Variants in HDAC4 observed in about 807,000 individuals in gnomAD.
The protein encoded by HDAC4 is histone deacetylase A.
Under a neutral mutation model 135.1 loss-of-function variants are expected in HDAC4, and 16 were observed. The observed-to-expected ratio is 0.12, with a 90% CI of 0.08 to 0.18. The LOEUF is 0.18. HDAC4 is among the 10% of genes least tolerant of loss of function. The pLI, the probability that HDAC4 is intolerant of heterozygous loss-of-function variation, is 1.00. For synonymous variants in HDAC4, 685 were observed against 653.4 expected (o/e 1.05, Z -0.74); for missense variants, 1,143 against 1,511.8 (o/e 0.76, Z 4.05).
Position 239,245,095 on chromosome 2 carries a change from G to A in HDAC4, c.23-8431C>T, listed in dbSNP as rs564200188. 6.6e-6 allele frequency among the ~76,000 whole-genome samples: 1 copy of A among 152,318 alleles called. No individual in the cohort carries two copies. Among genetic ancestry groups the A allele is most frequent in the East Asian group, 1.9e-4 (1 of 5,190 alleles). On this transcript the variant is annotated intron_variant, in intron 2 of 26. Coordinates refer to ENST00000543185, the MANE Select transcript of HDAC4 (RefSeq NM_001378414.1). The surrounding 1 kb of genome is among the most constrained non-coding windows in gnomAD (Gnocchi z 4.4). ...CAACATAGTTTATGTGCATTTATTA[G>A]AGAAAATGAAAATGGAAAAAGATTC...
intron 2 of HDAC4, among the ~76,000 whole-genome samples, chr2:239,244,127 C>T (rs1242189058): frequency 1.3e-5 from 2 of 152,194 alleles, no homozygotes; most frequent in Non-Finnish European, 2.9e-5. Context: ...CCAGAGAAGC[C>T]CCGATACCTT....
intron 3 of HDAC4, among the ~76,000 whole-genome samples, chr2:239,230,039 G>A (rs573509482): frequency 2.6e-5 from 4 of 152,216 alleles, no homozygotes; most frequent in African/African-American, 9.6e-5. Context: ...GTCGCCTGCT[G>A]CTATCCCAGA....
At chr2:239,082,371 G>T in intron 20 of HDAC4, 150 bp from the exon 21 acceptor site, 2 of 1,056,194 alleles carry the variant, frequency 1.9e-6, no homozygotes, top group Non-Finnish European at 2.9e-6. Context: ...TACCCGGCAG[G>T]CGCGATTCTG....
At chr2:239,342,976 T>C (rs1161640347) in intron 2 of HDAC4, among the ~76,000 whole-genome samples, 1 of 152,136 alleles carries the variant, frequency 6.6e-6, no homozygotes, top group Non-Finnish European at 1.5e-5. Context: ...TTTGTATTTG[T>C]TTTCCTAAAA....
intron 3 of HDAC4, among the ~76,000 whole-genome samples, chr2:239,202,907 A>G (rs1366534574): frequency 6.6e-6 from 1 of 152,214 alleles, no homozygotes; most frequent in East Asian, 1.9e-4. Context: ...GAAGGCAAAG[A>G]GCATTGACAA....
intron 12 of HDAC4, among the ~76,000 whole-genome samples, chr2:239,120,819 T>C (rs1012340514): frequency 6.8e-6 from 1 of 148,026 alleles, no homozygotes; most frequent in East Asian, 2.0e-4. Flanking sequence ...TAGGGTGGGG[T>C]GGAGGACAAG....
chr2:239,249,962 C>T (rs568685433), intron 2 of HDAC4, among the ~76,000 whole-genome samples: 11 of 152,322 alleles, frequency 7.2e-5, no homozygotes, highest in South Asian at 6.2e-4. Flanking sequence ...CCTGCTGTGA[C>T]GCGTCATCCA....
intron 2 of HDAC4, among the ~76,000 whole-genome samples, chr2:239,272,350 T>C (rs752250392): frequency 6.6e-6 from 1 of 152,146 alleles, no homozygotes; most frequent in Non-Finnish European, 1.5e-5. Flanking sequence ...TCTTCTGAGC[T>C]TCAAAAGACA....
intron 7 of HDAC4, among the ~76,000 whole-genome samples, chr2:239,153,746 G>A (rs2042254732): frequency 6.6e-6 from 1 of 152,244 alleles, no homozygotes; most frequent in Non-Finnish European, 1.5e-5. Flanking sequence ...GGGAGTTGGA[G>A]GGTGGTGCTA....
At chr2:239,324,012 C>G (rs557517951) in intron 2 of HDAC4, among the ~76,000 whole-genome samples, 2 of 152,148 alleles carry the variant, frequency 1.3e-5, no homozygotes, top group Non-Finnish European at 2.9e-5. Flanking sequence ...GGACCACATG[C>G]GCTACGGTAT....
chr2:239,077,916 T>A (rs1045181486), intron 22 of HDAC4, among the ~76,000 whole-genome samples: 2 of 152,220 alleles, frequency 1.3e-5, no homozygotes, highest in African/African-American at 4.8e-5. Context: ...GCCCAGTTGC[T>A]CAATTTCAAG....
intron 3 of HDAC4, among the ~76,000 whole-genome samples, chr2:239,222,151 T>C (rs969315903): frequency 2.6e-5 from 4 of 152,164 alleles, no homozygotes; most frequent in African/African-American, 9.7e-5. Context: ...TCCCTGGCTT[T>C]TACGGCAGCC....
At chr2:239,366,622 G>A (rs1694234531) in intron 1 of HDAC4, among the ~76,000 whole-genome samples, 1 of 152,232 alleles carries the variant, frequency 6.6e-6, no homozygotes. Flanking sequence ...TCCGTTTGCT[G>A]TGAAATAAAA....
rs1015441499 is a variant in HDAC4, at chr2:239,141,774, C to T, written c.866-1978G>A. On this transcript the variant is annotated intron_variant, in intron 8 of 26. Transcript: ENST00000543185. This position sits in a 1 kb window ranked among gnomAD's most constrained non-coding sequence, Gnocchi z 4.9. Reference sequence around the variant, plus strand: ...CCCTCACGCATGTGCCTGGGGAGTCCGGACAACTTTTTGGGGCGGTAAAAA... The same window carrying T: ...CCCTCACGCATGTGCCTGGGGAGTCTGGACAACTTTTTGGGGCGGTAAAAA... Among the ~76,000 whole-genome samples the T allele has an allele frequency of 5.9e-5, 9 of 152,144 alleles. No individual in the cohort carries two copies. The highest frequency in any genetic ancestry group is 1.2e-4 in the Non-Finnish European group (8 of 68,018).
At chr2:239,156,107 G>C (rs898586537) in intron 7 of HDAC4, among the ~76,000 whole-genome samples, 2 of 152,352 alleles carry the variant, frequency 1.3e-5, no homozygotes, top group East Asian at 3.9e-4. Flanking sequence ...GTGCCTAAAT[G>C]CCCTTCTCCC....
intron 1 of HDAC4, among the ~76,000 whole-genome samples, chr2:239,361,328 CTTTTG>C (rs1467797860): frequency 6.6e-6 from 1 of 152,170 alleles, no homozygotes; most frequent in Non-Finnish European, 1.5e-5. Context: ...CGTTTTCTGC[CTTTTG>C]GGGGCTAGAG....
chr2:239,329,054 A>C (rs1691374684), intron 2 of HDAC4, among the ~76,000 whole-genome samples: 1 of 152,220 alleles, frequency 6.6e-6, no homozygotes. Flanking sequence ...GCAGCAGCAC[A>C]CCCAGGACCC....
intron 17 of HDAC4, among the ~76,000 whole-genome samples, chr2:239,092,183 T>G (rs1368182599): frequency 6.6e-6 from 1 of 150,990 alleles, no homozygotes; most frequent in Non-Finnish European, 1.5e-5. Context: ...AGGCTGCAGT[T>G]AGCCATGAAT....
At chr2:239,140,129 A>T (rs930738612) in intron 8 of HDAC4, among the ~76,000 whole-genome samples, 12 of 152,240 alleles carry the variant, frequency 7.9e-5, no homozygotes, top group Admixed American at 3.3e-4. Context: ...GAAAATGCAG[A>T]AGCTAAGTGA....
Sources: gnomAD v4.1 joint callset for allele counts (sites outside exome capture counted in the v4.1 genomes callset) on GRCh38, gnomAD v4.1.1 for gene constraint, Gnocchi (gnomAD v3.1) non-coding constraint, MANE v1.5 for transcripts, NCBI Gene and HGNC (gene_info 2026-07-23, HGNC 2026-07-21) for gene names.